FNBP1L: variants seen among roughly 807,000 people sequenced by gnomAD.
The protein encoded by FNBP1L is formin-binding protein 1-like.
A neutral mutation model predicts 91.2 loss-of-function variants in FNBP1L; 36 were observed. The ratio of observed to expected loss-of-function variants is 0.39; its 90% CI spans 0.30 to 0.52. FNBP1L has a LOEUF of 0.52. Ranked by LOEUF, FNBP1L falls within the 20% of genes least tolerant of loss-of-function variation. The pLI, the probability that FNBP1L is intolerant of heterozygous loss-of-function variation, is 0.66. For synonymous variants in FNBP1L, 242 were observed against 237.0 expected (o/e 1.02, Z -0.19); for missense variants, 571 against 732.1 (o/e 0.78, Z 2.54).
At chr1:93,531,007 C>G (rs770527640) in intron 7 of FNBP1L, 124 bp downstream of exon 7, 396 of 739,344 alleles carry the variant, frequency 5.4e-4, no homozygotes, top group Non-Finnish European at 7.6e-4. Context: ...GTGAGAGATT[C>G]CTTTATGATT....
At chr1:93,510,047 C>A (rs1670772687) in intron 2 of FNBP1L, among the ~76,000 whole-genome samples, 2 of 152,198 alleles carry the variant, frequency 1.3e-5, no homozygotes, top group Admixed American at 1.3e-4. Flanking sequence ...GGGCGCCCGC[C>A]ATTGCCCAGG....
chr1:93,543,991 A>C, intron 11 of FNBP1L, 116 bp from the exon 12 acceptor site: 5 of 639,194 alleles, frequency 7.8e-6, no homozygotes, highest in East Asian at 3.2e-5. Flanking sequence ...GGGTTGCTTG[A>C]GGCAAATTTG....
At chr1:93,488,978 A>G (rs1670006652) in intron 1 of FNBP1L, among the ~76,000 whole-genome samples, 2 of 152,194 alleles carry the variant, frequency 1.3e-5, no homozygotes, top group Non-Finnish European at 2.9e-5. Flanking sequence ...TTTAAAGGAA[A>G]AGAATAAGGT....
chr1:93,552,056 A>G (rs1422202103), intron 16 of FNBP1L: 1 of 1,041,512 alleles, frequency 9.6e-7, no homozygotes, highest in Non-Finnish European at 1.2e-6. Context: ...AGAGGAAGAT[A>G]TGTGTACCGC....
intron 8 of FNBP1L, 99 bp downstream of exon 8, chr1:93,533,167 T>C: frequency 9.9e-7 from 1 of 1,006,112 alleles, no homozygotes; most frequent in South Asian, 2.3e-5. Flanking sequence ...TAATCTGATG[T>C]GTGGTTCTAA....
At chr1:93,507,722 C>T (rs1311248683) in intron 2 of FNBP1L, among the ~76,000 whole-genome samples, 1 of 152,116 alleles carries the variant, frequency 6.6e-6, no homozygotes, top group Admixed American at 6.5e-5. Context: ...GATCTTGGCT[C>T]AGTGCAACCT....
intron 1 of FNBP1L, among the ~76,000 whole-genome samples, chr1:93,484,218 C>T (rs144965944): frequency 3.9e-5 from 6 of 152,108 alleles, no homozygotes; most frequent in Non-Finnish European, 8.8e-5. Flanking sequence ...TGAGCCACCA[C>T]GCCTGGCTGG....
chr1:93,534,784 A>T lies in FNBP1L; in HGVS notation c.866A>T (p.His289Leu), dbSNP rs373661130. ...GDFPFEDYSQHIYRTISDGTI... is the reference protein window; with the variant it reads ...GDFPFEDYSQLIYRTISDGTI... ...TTTCCATTTGAAGATTACAGTCAAC[A>T]TATATATAGAACCATTTCTGATGGG... Residue 289 changes from histidine (H) to leucine (L), a missense_variant, in exon 9 of 17, where the codon CAT (histidine) becomes CTT (leucine). By Grantham distance (99) the His-to-Leu change is moderately conservative. This residue lies in a region of FNBP1L where 150 missense variants were observed against 155.9 expected (regional missense o/e 0.96). Transcript: ENST00000271234. 6.4e-7 allele frequency: 1 copy of T among 1,570,574 alleles called. No individual in the cohort carries two copies. The highest frequency in any genetic ancestry group is 8.7e-7 in the Non-Finnish European group (1 of 1,155,978).
chr1:93,527,833 G>GA (rs1301306650), intron 5 of FNBP1L, among the ~76,000 whole-genome samples: 1 of 151,964 alleles, frequency 6.6e-6, no homozygotes, highest in Non-Finnish European at 1.5e-5. Context: ...GAAAGGAAAT[G>GA]AAAATTAAAA....
At chr1:93,533,690 G>A (rs1442346550) in intron 8 of FNBP1L, among the ~76,000 whole-genome samples, 1 of 152,176 alleles carries the variant, frequency 6.6e-6, no homozygotes. Flanking sequence ...ACATATTTTA[G>A]TCTTCATGAA....
intron 1 of FNBP1L, among the ~76,000 whole-genome samples, chr1:93,453,354 C>A (rs1057453969): frequency 3.3e-5 from 5 of 152,110 alleles, no homozygotes; most frequent in African/African-American, 1.2e-4. Context: ...ACCAGTATCT[C>A]CTTTGCATAG....
Position 93,482,973 on chromosome 1 carries a change from G to A in FNBP1L, c.25-16495G>A, listed in dbSNP as rs140803121. Among the ~76,000 whole-genome samples the A allele has an allele frequency of 9.7e-3, 1,456 of 150,668 alleles. 26 individuals carry two copies. Among genetic ancestry groups the A allele is most frequent in the African/African-American group, 0.033 (1,367 of 40,938 alleles). Reference sequence around the variant, plus strand: ...GCGGAGCTTGCAGTGAGCCGAGATCGTGCCACTGCAGTCCAGCCTGGACGA... The same window carrying A: ...GCGGAGCTTGCAGTGAGCCGAGATCATGCCACTGCAGTCCAGCCTGGACGA... On this transcript the variant is annotated intron_variant, in intron 1 of 16. Transcript: ENST00000271234.
At chr1:93,552,318 A>G (rs1672439681) in intron 16 of FNBP1L, 91 bp from the exon 17 acceptor site, 2 of 1,522,240 alleles carry the variant, frequency 1.3e-6, no homozygotes, top group Non-Finnish European at 1.8e-6. Context: ...TGATAGAGAC[A>G]TTTGGGACAG....
chr1:93,460,573 T>G (rs766148619), intron 1 of FNBP1L, among the ~76,000 whole-genome samples: 4 of 152,238 alleles, frequency 2.6e-5, no homozygotes, highest in Non-Finnish European at 4.4e-5. Flanking sequence ...GCACATGTTT[T>G]CAGGATCTCC....
chr1:93,547,364 C>T lies in FNBP1L; in HGVS notation c.1425C>T (p.Val475=), dbSNP rs1323427079. 6 of 1,559,578 alleles carry T rather than the reference C, an allele frequency of 3.8e-6. No homozygotes were observed. Among genetic ancestry groups the T allele is most frequent in the Admixed American group, 1.9e-5 (1 of 52,120 alleles). The stretch of plus-strand genomic sequence containing the variant: ...TTCCTAAGGCTTGGCTCTCTGAAGT[C>T]GAAGGCAAAACAGGTGGGAGAGGAG... ...IHKNEAWLSE[V]EGKTGGRGDR... is the part of the protein sequence containing the mutation. The change falls in exon 14 of 17, where the codon GTC becomes GTT. Residue 475 remains valine (V), a synonymous_variant. Transcript: ENST00000271234.
In FNBP1L at chr1:93,489,318, A is replaced by G. The variant is rs138194830; in HGVS notation, c.25-10150A>G. 1.2e-3 allele frequency among the ~76,000 whole-genome samples: 181 copies of G among 152,112 alleles called. 1 individual carries two copies. Among genetic ancestry groups the G allele is most frequent in the Non-Finnish European group, 2.2e-3 (147 of 67,978 alleles). ...AGGATAATAATAATGATGTGTTGGGAACAATGGGTTGTGGTCTCTGTGGGG... is the reference window on the plus strand; with the variant it reads ...AGGATAATAATAATGATGTGTTGGGGACAATGGGTTGTGGTCTCTGTGGGG... On this transcript the variant is annotated intron_variant, in intron 1 of 16. Coordinates refer to ENST00000271234, the MANE Select transcript of FNBP1L (RefSeq NM_001164473.3).
At chr1:93,537,649 A>G (rs1557816947) in intron 10 of FNBP1L, among the ~76,000 whole-genome samples, 1 of 151,996 alleles carries the variant, frequency 6.6e-6, no homozygotes, top group Non-Finnish European at 1.5e-5. Flanking sequence ...CTATATGTGG[A>G]TGGTAGGTAA....
chr1:93,494,854 A>G (rs1198802844), intron 1 of FNBP1L, among the ~76,000 whole-genome samples: 1 of 152,224 alleles, frequency 6.6e-6, no homozygotes, highest in Non-Finnish European at 1.5e-5. Flanking sequence ...GTCACGTCTT[A>G]CATGGGAGCA....
rs533359959 is a variant in FNBP1L, at chr1:93,471,669, G to T, written c.24+23364G>T. 3.3e-5 allele frequency among the ~76,000 whole-genome samples: 5 copies of T among 152,316 alleles called. No individual in the cohort carries two copies. The South Asian group carries it at 6.2e-4, about 19-fold the overall frequency. Reference sequence around the variant, plus strand: ...ATTGCACCACTGCACTCCAGCCTGGGTGACCAGAGTGAGACCCTGCCTCAA... The same window carrying T: ...ATTGCACCACTGCACTCCAGCCTGGTTGACCAGAGTGAGACCCTGCCTCAA... On this transcript the variant is annotated intron_variant, in intron 1 of 16. Coordinates refer to ENST00000271234, the MANE Select transcript of FNBP1L (RefSeq NM_001164473.3).
Sources: gnomAD v4.1 joint callset for allele counts (sites outside exome capture counted in the v4.1 genomes callset) on GRCh38, gnomAD v4.1.1 for gene constraint, gnomAD v4.1.1 regional missense constraint, MANE v1.5 for transcripts, NCBI Gene and HGNC (gene_info 2026-07-23, HGNC 2026-07-21) for gene names.